CCDC171: variants seen among roughly 807,000 people sequenced by gnomAD.
CCDC171 encodes the protein coiled-coil domain-containing protein 171.
CCDC171 carries 177 observed loss-of-function variants against 168.2 expected under a neutral mutation model. That is an observed-to-expected ratio of 1.05 (90% CI 0.93 to 1.19). The LOEUF is 1.19. CCDC171 is among the 50% of genes most tolerant of loss of function. The probability of loss-of-function intolerance (pLI) is 0.00; values close to 1 mark genes in which losing one functional copy is unlikely to be tolerated. For synonymous variants in CCDC171, 687 were observed against 540.8 expected (o/e 1.27, Z -3.75); for missense variants, 1,991 against 1,539.0 (o/e 1.29, Z -4.91).
chr9:15,721,701 T>C, intron 11 of CCDC171, 68 bp from the exon 12 acceptor site: 3 of 735,230 alleles, frequency 4.1e-6, no homozygotes, highest in Non-Finnish European at 6.4e-6. Flanking sequence ...GTATCTCTGT[T>C]ACTATTTGCC....
At chr9:15,697,346 G>C (rs2051293032) in intron 11 of CCDC171, among the ~76,000 whole-genome samples, 1 of 152,012 alleles carries the variant, frequency 6.6e-6, no homozygotes, top group African/African-American at 2.4e-5. Flanking sequence ...GCTTGCTTTT[G>C]GTGCCTCATC....
intron 24 of CCDC171, among the ~76,000 whole-genome samples, chr9:15,896,193 T>C (rs1246679260): frequency 1.3e-5 from 2 of 152,056 alleles, no homozygotes; most frequent in East Asian, 3.9e-4. Flanking sequence ...TCAGTTCTAC[T>C]TGGAAGTAAC....
intron 3 of CCDC171, among the ~76,000 whole-genome samples, chr9:16,001,182 G>T (rs944904899): frequency 6.6e-6 from 1 of 152,174 alleles, no homozygotes; most frequent in South Asian, 2.1e-4. Flanking sequence ...CAACTGACAG[G>T]AGTGCATGAT....
At chr9:15,580,959 G>T (rs1226066149) in intron 4 of CCDC171, among the ~76,000 whole-genome samples, 1 of 152,066 alleles carries the variant, frequency 6.6e-6, no homozygotes, top group Non-Finnish European at 1.5e-5. Flanking sequence ...AGAAATAAAG[G>T]GTATTCAAAA....
At chr9:15,796,470 C>T (rs537455395) in intron 21 of CCDC171, among the ~76,000 whole-genome samples, 31 of 152,254 alleles carry the variant, frequency 2.0e-4, no homozygotes, top group African/African-American at 7.5e-4. Flanking sequence ...GGATTACTTA[C>T]AGAAGAATAA....
chr9:15,888,882 A>C (rs1314974916), intron 24 of CCDC171: 1 of 148,350 alleles, frequency 6.7e-6, no homozygotes, highest in East Asian at 2.0e-4. Context: ...AAAGGGTGCT[A>C]TTCCAGATCT....
At chr9:15,985,733 T>C (rs570554776) in intron 3 of CCDC171, among the ~76,000 whole-genome samples, 5 of 152,216 alleles carry the variant, frequency 3.3e-5, no homozygotes, top group Non-Finnish European at 5.9e-5. Flanking sequence ...TATTTATTTA[T>C]TATTTATTTC....
At chr9:15,863,655 A>G (rs982329483) in intron 23 of CCDC171, among the ~76,000 whole-genome samples, 3 of 152,048 alleles carry the variant, frequency 2.0e-5, no homozygotes, top group African/African-American at 7.2e-5. Flanking sequence ...ATGGTTTTCT[A>G]TAACTTTATA....
At chr9:15,867,574 T>C (rs1413153356) in intron 23 of CCDC171, among the ~76,000 whole-genome samples, 1 of 152,052 alleles carries the variant, frequency 6.6e-6, no homozygotes, top group Admixed American at 6.6e-5. Context: ...TCTGTCCATA[T>C]AGCTGTCTTG....
At chr9:15,737,428 C>T (rs1346077095) in intron 16 of CCDC171, among the ~76,000 whole-genome samples, 2 of 152,088 alleles carry the variant, frequency 1.3e-5, no homozygotes, top group Non-Finnish European at 2.9e-5. Flanking sequence ...GAGACTGGAG[C>T]CAACCTGGGC....
rs747895512 is a variant in CCDC171, at chr9:15,571,682, A to G, written c.100A>G (p.Ile34Val). 7.6e-6 allele frequency: 12 copies of G among 1,578,818 alleles called. No individual in the cohort carries two copies. In the South Asian group the frequency reaches 1.4e-4, roughly 19 times the overall value. Residue 34 changes from isoleucine (I) to valine (V), a missense_variant, in exon 3 of 26, where the codon ATT becomes GTT. By Grantham distance (29) the Ile-to-Val change is conservative (BLOSUM62 3). Coordinates refer to ENST00000380701, the MANE Select transcript of CCDC171 (RefSeq NM_173550.4). ...ACTTAAAAATGAAACAGAGTTGGAT[A>G]TTACTGATAATCTCAGGAAGAAACT... ...QILKNETELD[I>V]TDNLRKKLHW...
chr9:15,850,227 C>G (rs538367076), intron 23 of CCDC171: 3 of 151,736 alleles, frequency 2.0e-5, no homozygotes, highest in East Asian at 3.9e-4. Flanking sequence ...TTTCATCATC[C>G]CAGTTGGAGA....
intron 7 of CCDC171, among the ~76,000 whole-genome samples, chr9:15,650,701 A>C (rs2047445350): frequency 6.6e-6 from 1 of 152,088 alleles, no homozygotes; most frequent in African/African-American, 2.4e-5. Context: ...CCTTTGATAC[A>C]CATGTTTTTT....
intron 21 of CCDC171, among the ~76,000 whole-genome samples, chr9:15,827,206 CCTT>C (rs1312761539): frequency 8.5e-5 from 13 of 152,196 alleles, no homozygotes; most frequent in African/African-American, 3.1e-4. Context: ...GAAATAAATA[CCTT>C]CTTTTTTCTC....
intron 6 of CCDC171, among the ~76,000 whole-genome samples, chr9:15,614,999 A>G (rs1002403265): frequency 1.5e-4 from 23 of 152,202 alleles, no homozygotes; most frequent in African/African-American, 4.6e-4. Context: ...TTCCAGTTTT[A>G]TGTAAACTCC....
In CCDC171 at chr9:15,985,733, T is replaced by A. The variant is rs570554776; in HGVS notation, n.369-34856T>A. 5.3e-5 allele frequency among the ~76,000 whole-genome samples: 8 copies of A among 152,334 alleles called. No homozygotes were observed. The East Asian group carries it at 1.5e-3, about 29-fold the overall frequency. The stretch of plus-strand genomic sequence containing the variant: ...AAGATGATAATTCAGTATTTATTTA[T>A]TATTTATTTCTGATCTTCCCATGAG... On this transcript the variant is annotated intron_variant and non_coding_transcript_variant, in intron 3 of 9. Transcript: ENST00000486641.
intron 25 of CCDC171, among the ~76,000 whole-genome samples, chr9:15,935,771 C>G (rs1386294895): frequency 1.3e-5 from 2 of 152,002 alleles, no homozygotes; most frequent in African/African-American, 2.4e-5. Flanking sequence ...GAACTTTTAA[C>G]TCATCAGACT....
chr9:15,894,945 G>A (rs10283865), intron 24 of CCDC171, among the ~76,000 whole-genome samples: 62,496 of 151,922 alleles, frequency 0.41, 13,378 homozygotes, highest in East Asian at 0.72. Context: ...AGAACATAAT[G>A]GGTGCTCAAT....
chr9:15,589,342 C>G (rs1324138939), intron 4 of CCDC171, among the ~76,000 whole-genome samples: 2 of 152,220 alleles, frequency 1.3e-5, no homozygotes, highest in Non-Finnish European at 2.9e-5. Flanking sequence ...GCCAGTGTAT[C>G]AGGCAATCTG....
Sources: gnomAD v4.1 joint callset for allele counts (sites outside exome capture counted in the v4.1 genomes callset) on GRCh38, gnomAD v4.1.1 for gene constraint, MANE v1.5 for transcripts, NCBI Gene and HGNC (gene_info 2026-07-23, HGNC 2026-07-21) for gene names.